Variants in ZNF600 observed in about 807,000 individuals in gnomAD.
ZNF600 encodes the protein zinc finger protein KR-ZNF1.
Under a neutral mutation model 7.3 loss-of-function variants are expected in ZNF600, and 4 were observed. The ratio of observed to expected loss-of-function variants is 0.55; its 90% CI spans 0.27 to 1.25. The LOEUF (loss-of-function observed/expected upper bound fraction) is 1.25. ZNF600 is among the 50% of genes most tolerant of loss of function. The pLI, the probability that ZNF600 is intolerant of heterozygous loss-of-function variation, is 0.12. For synonymous variants in ZNF600, 290 were observed against 308.9 expected, an observed-to-expected ratio of 0.94 and a Z score of 0.64; for missense variants, 911 against 922.1, an observed-to-expected ratio of 0.99 and a Z score of 0.16.
chr19:52,801,436 T>C, the ZNF600 span: 1 of 1,614,214 alleles, frequency 6.2e-7, no homozygotes, highest in Non-Finnish European at 8.5e-7. Context: ...AGCTGATCTT[T>C]AATATGCTTG....
chr19:52,767,544 T>C, exon 4 of ZNF600: 6 of 1,614,142 alleles, frequency 3.7e-6, no homozygotes, highest in Non-Finnish European at 5.1e-6. Context: ...ATCATGTTGG[T>C]CTGTGCTACC....
intron 1 of ZNF600, among the ~76,000 whole-genome samples, chr19:52,779,202 T>C (rs2062700954): frequency 6.6e-6 from 1 of 152,004 alleles, no homozygotes; most frequent in African/African-American, 2.4e-5. Context: ...TCAATCCCCA[T>C]CCAGAGGACA....
upstream of ZNF600, among the ~76,000 whole-genome samples, chr19:52,789,739 TA>T (rs1275442731): frequency 4.0e-5 from 6 of 151,678 alleles, no homozygotes; most frequent in Admixed American, 6.6e-5. Flanking sequence ...ACAACAAAAT[TA>T]AAAAAAATAT....
the ZNF600 span, among the ~76,000 whole-genome samples, chr19:52,817,276 G>A: frequency 6.6e-6 from 1 of 152,112 alleles, no homozygotes; most frequent in Non-Finnish European, 1.5e-5. Flanking sequence ...GGAGGCTGAG[G>A]CAGGAGAATC....
the ZNF600 span, among the ~76,000 whole-genome samples, chr19:52,811,304 C>T: frequency 1.3e-5 from 2 of 150,950 alleles, no homozygotes; most frequent in Non-Finnish European, 2.9e-5. Context: ...AGCCTCTGCC[C>T]GGCCGCCACC....
At position 52,767,638 on chromosome 19, in the gene ZNF600, C is replaced by T. The variant is rs139678929; in HGVS notation, c.325G>A (p.Glu109Lys). Residue 109 changes from glutamate to lysine, a missense_variant, in exon 4 of 4, where the codon GAA becomes AAA. Physicochemically the swap from Glu to Lys is moderately conservative, Grantham distance 56. Transcript: ENST00000648973. ...CACTGAAACTCAATATCATGAATTT[C>T]TTTCTCAATTTCCTGGAAGCAAAAA... The T allele has an allele frequency of 4.0e-5, 65 of 1,613,896 alleles. No individual in the cohort carries two copies. Among genetic ancestry groups the T allele is most frequent in the Non-Finnish European group, 5.3e-5 (63 of 1,180,020 alleles).
exon 4 of ZNF600, chr19:52,767,045 A>G (rs762767531): frequency 1.2e-5 from 19 of 1,614,170 alleles, no homozygotes; most frequent in Non-Finnish European, 1.3e-5. Context: ...TGTGAAGTCT[A>G]CGATGGCATG....
the ZNF600 span, among the ~76,000 whole-genome samples, chr19:52,831,118 TG>T: frequency 2.0e-5 from 3 of 152,130 alleles, no homozygotes; most frequent in Admixed American, 2.0e-4. Flanking sequence ...CAATATGCCT[TG>T]TATAGATTCC....
intron 1 of ZNF600, among the ~76,000 whole-genome samples, chr19:52,785,924 GT>G (rs1001115839): frequency 2.6e-5 from 4 of 151,796 alleles, no homozygotes; most frequent in African/African-American, 7.3e-5. Flanking sequence ...TGCTTTCTTA[GT>G]TTTTTTTCTT....
the ZNF600 span, among the ~76,000 whole-genome samples, chr19:52,830,829 CA>C: frequency 6.8e-6 from 1 of 146,760 alleles, no homozygotes; most frequent in Non-Finnish European, 1.5e-5. Context: ...GGGTGGAGAG[CA>C]GGAAGTAATG....
chr19:52,802,144 G>C, the ZNF600 span, among the ~76,000 whole-genome samples: 1 of 152,128 alleles, frequency 6.6e-6, no homozygotes, highest in African/African-American at 2.4e-5. Flanking sequence ...GCTGTTGTAA[G>C]GATAACCAAA....
At chr19:52,767,180 A>G in exon 4 of ZNF600, 1 of 1,614,166 alleles carries the variant, frequency 6.2e-7, no homozygotes, top group Non-Finnish European at 8.5e-7. Context: ...CACATACATC[A>G]CATTTATATT....
exon 4 of ZNF600, chr19:52,766,221 T>C: frequency 1.2e-6 from 2 of 1,613,714 alleles, no homozygotes; most frequent in South Asian, 1.1e-5. Flanking sequence ...GCTTGCAAGG[T>C]ATGACCTCAG....
chr19:52,764,924 A>T (rs2062556658), exon 4 of ZNF600: 1 of 170,278 alleles, frequency 5.9e-6, no homozygotes, highest in Non-Finnish European at 1.3e-5. Flanking sequence ...GGCTGGGAAA[A>T]GTGGCTGACA....
chr19:52,801,201 A>G, the ZNF600 span: 1 of 1,614,102 alleles, frequency 6.2e-7, no homozygotes. Flanking sequence ...AATACATTGG[A>G]AAGATTTTTC....
chr19:52,770,260 G>A (rs1400732547), intron 3 of ZNF600, among the ~76,000 whole-genome samples: 1 of 151,954 alleles, frequency 6.6e-6, no homozygotes, highest in African/African-American at 2.4e-5. Flanking sequence ...GCCAACATGG[G>A]GAAACCCCAT....
chr19:52,768,770 A>G (rs2062609155), intron 3 of ZNF600, among the ~76,000 whole-genome samples: 1 of 152,134 alleles, frequency 6.6e-6, no homozygotes, highest in Admixed American at 6.6e-5. Flanking sequence ...CCAAGGCAAG[A>G]GTTCGAGGGC....
upstream of ZNF600, among the ~76,000 whole-genome samples, chr19:52,787,652 A>G (rs1030400372): frequency 1.3e-5 from 2 of 151,284 alleles, no homozygotes; most frequent in Admixed American, 6.6e-5. Context: ...AGGTCAGGAG[A>G]TCGAGACCAT....
chr19:52,812,449 TTGATCTG>T, the ZNF600 span, among the ~76,000 whole-genome samples: 1 of 124,240 alleles, frequency 8.0e-6, no homozygotes, highest in African/African-American at 3.6e-5. Context: ...TGGGATCCTG[TTGATCTG>T]TGACCTTATC....
Sources: gnomAD v4.1 joint callset for allele counts (sites outside exome capture counted in the v4.1 genomes callset) on GRCh38, gnomAD v4.1.1 for gene constraint, MANE v1.5 for transcripts, NCBI Gene and HGNC (gene_info 2026-07-23, HGNC 2026-07-21) for gene names.